Variants in AUTS2 observed in about 807,000 individuals in gnomAD.
The protein encoded by AUTS2 is autism susceptibility gene 2 protein.
A neutral mutation model predicts 112.4 loss-of-function variants in AUTS2; 17 were observed. The observed-to-expected ratio is 0.15, with a 90% confidence interval of 0.10 to 0.23. The LOEUF is 0.23. AUTS2 is among the 10% of genes least tolerant of loss of function. The probability of loss-of-function intolerance (pLI) is 1.00; values close to 1 mark genes in which losing one functional copy is unlikely to be tolerated. For missense variants in AUTS2, 1,510 were observed against 1,701.6 expected (o/e 0.89, Z 1.98); for synonymous variants, 751 against 702.7 (o/e 1.07, Z -1.09).
At chr7:69,700,114 T>C (rs550970467) in intron 1 of AUTS2, among the ~76,000 whole-genome samples, 1 of 152,326 alleles carries the variant, frequency 6.6e-6, no homozygotes, top group Admixed American at 6.5e-5. Flanking sequence ...TTCCCCGCAG[T>C]CTTGTCAACA....
At chr7:70,237,446 A>C (rs1173157718) in intron 4 of AUTS2, among the ~76,000 whole-genome samples, 1 of 152,168 alleles carries the variant, frequency 6.6e-6, no homozygotes, top group Non-Finnish European at 1.5e-5. Context: ...GACACTATTA[A>C]CCATTCTGCT....
intron 5 of AUTS2, among the ~76,000 whole-genome samples, chr7:70,503,164 C>T (rs887273706): frequency 6.6e-6 from 1 of 152,068 alleles, no homozygotes; most frequent in African/African-American, 2.4e-5. Flanking sequence ...CACTCAGACT[C>T]TTGATGATTC....
intron 4 of AUTS2, among the ~76,000 whole-genome samples, chr7:70,172,737 G>T (rs1008379025): frequency 6.6e-6 from 1 of 152,128 alleles, no homozygotes; most frequent in Non-Finnish European, 1.5e-5. Context: ...GCCTGCCAAA[G>T]CTTTTTGAGA....
intron 1 of AUTS2, among the ~76,000 whole-genome samples, chr7:69,837,180 T>C (rs1418389778): frequency 1.3e-5 from 2 of 152,168 alleles, no homozygotes; most frequent in African/African-American, 4.8e-5. Context: ...AATCCAACTT[T>C]ATAGAGATTA....
chr7:70,399,532 G>A (rs906245322), intron 4 of AUTS2, among the ~76,000 whole-genome samples: 3 of 151,992 alleles, frequency 2.0e-5, no homozygotes, highest in African/African-American at 7.3e-5. Flanking sequence ...AAGTCCTCTA[G>A]GTTTAAGATT....
At chr7:70,435,416 C>T (rs1213691947) in intron 4 of AUTS2, among the ~76,000 whole-genome samples, 2 of 152,216 alleles carry the variant, frequency 1.3e-5, no homozygotes, top group Non-Finnish European at 2.9e-5. Flanking sequence ...GTGGCTGACT[C>T]CTAGAGGGGC....
chr7:70,322,232 A>G (rs1026397887), intron 4 of AUTS2, among the ~76,000 whole-genome samples: 1 of 152,170 alleles, frequency 6.6e-6, no homozygotes. Context: ...ACATTATAGT[A>G]TATTTATGTG....
rs1183738885 is a variant in AUTS2 at position 70,771,606 on chromosome 7, G to A, written c.1792G>A (p.Gly598Ser). 1.2e-6 allele frequency: 2 copies of A among 1,613,550 alleles called. No homozygotes were observed. Among genetic ancestry groups the A allele is most frequent in the South Asian group, 2.2e-5 (2 of 91,006 alleles). Reference protein sequence around the residue: ...SGIPPMIPPTGPFGSLQGAFQ... With the variant: ...SGIPPMIPPTSPFGSLQGAFQ... ...CATCCCCCCTATGATCCCACCCACTGGCCCTTTTGGTTCACTACAAGGAGC... is the reference window on the plus strand; with the variant it reads ...CATCCCCCCTATGATCCCACCCACTAGCCCTTTTGGTTCACTACAAGGAGC... Residue 598 changes from glycine to serine, a missense_variant, in exon 11 of 19, where the codon GGC becomes AGC. Around this residue, in one of 3 missense-constraint regions of AUTS2, gnomAD observed 187 missense variants for 309.7 expected, o/e 0.60. Transcript: ENST00000342771.
At chr7:70,386,109 C>G (rs1160298935) in intron 4 of AUTS2, among the ~76,000 whole-genome samples, 1 of 152,174 alleles carries the variant, frequency 6.6e-6, no homozygotes, top group Non-Finnish European at 1.5e-5. Context: ...TTGGGAAGCA[C>G]TGATTAGAAG....
At chr7:70,003,170 TATTATATGAATATATTA>T in intron 2 of AUTS2, among the ~76,000 whole-genome samples, 1 of 137,226 alleles carries the variant, frequency 7.3e-6, no homozygotes, top group African/African-American at 2.7e-5. Context: ...TATTCATATA[TATTATATGAATATATTA>T]TATATGAATA....
intron 1 of AUTS2, among the ~76,000 whole-genome samples, chr7:69,615,236 G>T (rs989802824): frequency 6.6e-6 from 1 of 152,154 alleles, no homozygotes; most frequent in Non-Finnish European, 1.5e-5. Flanking sequence ...GGCTGTCAGG[G>T]ATGGGTGTCA....
chr7:69,797,943 A>G (rs1789918638), intron 1 of AUTS2, among the ~76,000 whole-genome samples: 2 of 152,156 alleles, frequency 1.3e-5, no homozygotes, highest in African/African-American at 4.8e-5. Context: ...TGAGAGCATC[A>G]CACTCTGGGG....
At chr7:69,892,891 G>A (rs1204047688) in intron 1 of AUTS2, among the ~76,000 whole-genome samples, 1 of 152,150 alleles carries the variant, frequency 6.6e-6, no homozygotes, top group Non-Finnish European at 1.5e-5. Flanking sequence ...ATCAGTTGTT[G>A]ATATATGTGT....
chr7:70,049,108 G>A (rs1228371758), intron 2 of AUTS2, among the ~76,000 whole-genome samples: 1 of 152,080 alleles, frequency 6.6e-6, no homozygotes, highest in Non-Finnish European at 1.5e-5. Flanking sequence ...AGTCATTTTT[G>A]AGTGGGCTAG....
At chr7:69,986,306 A>G (rs1329830266) in intron 2 of AUTS2, among the ~76,000 whole-genome samples, 3 of 152,182 alleles carry the variant, frequency 2.0e-5, no homozygotes, top group South Asian at 2.1e-4. Flanking sequence ...TGTTGAATGA[A>G]TGCTTGAATG....
intron 5 of AUTS2, among the ~76,000 whole-genome samples, chr7:70,536,841 G>A (rs561821487): frequency 1.5e-3 from 232 of 152,008 alleles, no homozygotes; most frequent in African/African-American, 5.4e-3. Context: ...TGGAGGTTGC[G>A]GTGAGCTGAG....
intron 4 of AUTS2, among the ~76,000 whole-genome samples, chr7:70,367,083 T>C (rs1364265966): frequency 6.6e-6 from 1 of 152,088 alleles, no homozygotes; most frequent in Admixed American, 6.5e-5. Flanking sequence ...CCAGGAGTTT[T>C]AGACCAGCCT....
At chr7:70,135,012 G>T (rs1164176061) in intron 4 of AUTS2, among the ~76,000 whole-genome samples, 1 of 152,090 alleles carries the variant, frequency 6.6e-6, no homozygotes, top group African/African-American at 2.4e-5. Flanking sequence ...AATGGAGATG[G>T]TATTTTTTAA....
rs1207093059 is a variant in AUTS2 at position 70,792,078 on chromosome 7, T to C, written c.*1082T>C. On this transcript the variant is annotated 3_prime_UTR_variant, in exon 19 of 19. Transcript: ENST00000342771. ...ACAGATCCTGAAAGAAAGCTTCAAGTTTTCTCAGATGATGGATATGTTTTC... is the reference window on the plus strand; with the variant it reads ...ACAGATCCTGAAAGAAAGCTTCAAGCTTTCTCAGATGATGGATATGTTTTC... 1 of 152,606 alleles carries C rather than the reference T, an allele frequency of 6.6e-6. No homozygotes were observed. The highest frequency in any genetic ancestry group is 1.5e-5 in the Non-Finnish European group (1 of 68,042). The allele number at this position is 152,606 out of a possible 1,614,324, so 9.5% of individuals were successfully genotyped here.
Sources: gnomAD v4.1 joint callset for allele counts (sites outside exome capture counted in the v4.1 genomes callset) on GRCh38, gnomAD v4.1.1 for gene constraint, gnomAD v4.1.1 regional missense constraint, MANE v1.5 for transcripts, NCBI Gene and HGNC (gene_info 2026-07-23, HGNC 2026-07-21) for gene names.